Variants in ACYP2 observed in about 807,000 individuals in gnomAD.
ACYP2 encodes the protein acylphosphatase 2, also known as acylphosphatase-2.
In ACYP2, 12 loss-of-function variants were observed where a neutral mutation model predicts 11.2. That is an observed-to-expected ratio of 1.08 (90% CI 0.69 to 1.74). ACYP2 has a LOEUF of 1.74. ACYP2 is among the 40% of genes most tolerant of loss of function. The pLI is 0.00. For missense variants in ACYP2, 134 were observed against 101.9 expected (o/e 1.31, Z -1.35); for synonymous variants, 43 against 32.2 (o/e 1.33, Z -1.13).
chr2:54,203,458 C>A (rs1366625591), intron 6 of ACYP2, among the ~76,000 whole-genome samples: 3 of 152,046 alleles, frequency 2.0e-5, no homozygotes, highest in Non-Finnish European at 2.9e-5. Context: ...ACTTTTATTT[C>A]TTTTTCTTGC....
chr2:54,148,313 A>G (rs1286493233), intron 6 of ACYP2, among the ~76,000 whole-genome samples: 1 of 135,874 alleles, frequency 7.4e-6, no homozygotes, highest in African/African-American at 3.1e-5. Flanking sequence ...TAGGTAGTCA[A>G]TGAACAATCT....
chr2:54,243,299 T>G (rs1686809882), intron 6 of ACYP2, among the ~76,000 whole-genome samples: 1 of 152,136 alleles, frequency 6.6e-6, no homozygotes, highest in Admixed American at 6.5e-5. Context: ...ACACCTAGGA[T>G]GTGTGGTATA....
chr2:54,281,233 G>T (rs1688837639), intron 6 of ACYP2, among the ~76,000 whole-genome samples: 1 of 152,176 alleles, frequency 6.6e-6, no homozygotes, highest in Admixed American at 6.5e-5. Flanking sequence ...TGTCATTGCA[G>T]CTCAGAAGTC....
intron 6 of ACYP2, among the ~76,000 whole-genome samples, chr2:54,192,421 C>T (rs1684276253): frequency 6.6e-6 from 1 of 151,808 alleles, no homozygotes; most frequent in Non-Finnish European, 1.5e-5. Flanking sequence ...TGTTGTCAAC[C>T]TTATGGTGCT....
chr2:54,280,263 C>A (rs965555476), intron 6 of ACYP2, among the ~76,000 whole-genome samples: 1 of 152,142 alleles, frequency 6.6e-6, no homozygotes, highest in Non-Finnish European at 1.5e-5. Context: ...AAGAGGACAT[C>A]ATGGTTGATT....
chr2:54,264,243 G>A (rs1050483404), intron 6 of ACYP2, among the ~76,000 whole-genome samples: 12 of 152,094 alleles, frequency 7.9e-5, no homozygotes, highest in South Asian at 2.1e-4. Context: ...AAGGTAGTGC[G>A]GACCCAAAGA....
At chr2:53,993,923 C>T (rs905695257) in intron 2 of ACYP2, among the ~76,000 whole-genome samples, 12 of 151,082 alleles carry the variant, frequency 7.9e-5, no homozygotes, top group South Asian at 2.1e-4. Context: ...CGGTGGTTCA[C>T]GCCTGTAATC....
rs1372504952 is a variant in ACYP2, at chr2:54,003,237, T to G, written c.62+29427T>G. ...TGATGGGATTACAGGTGTGAGCCAGTGCGCCCAGCCGAGCTCGCTTATTTA... is the reference window on the plus strand; with the variant it reads ...TGATGGGATTACAGGTGTGAGCCAGGGCGCCCAGCCGAGCTCGCTTATTTA... On this transcript the variant is annotated intron_variant, in intron 2 of 6. Transcript: ENST00000607452. Among the ~76,000 whole-genome samples the G allele has an allele frequency of 8.5e-5, 13 of 152,198 alleles. No homozygotes were observed. In the East Asian group the frequency reaches 2.5e-3, roughly 30 times the overall value.
intron 6 of ACYP2, chr2:54,255,191 C>T: frequency 6.2e-7 from 1 of 1,614,204 alleles, no homozygotes. Flanking sequence ...AAAGACACCA[C>T]TTGGCCGAAG....
intron 6 of ACYP2, among the ~76,000 whole-genome samples, chr2:54,197,243 C>T (rs1684527964): frequency 6.6e-6 from 1 of 152,058 alleles, no homozygotes; most frequent in Non-Finnish European, 1.5e-5. Context: ...TTGAGAGCTA[C>T]CTCAGGGGTC....
intron 6 of ACYP2, among the ~76,000 whole-genome samples, chr2:54,167,505 A>G (rs1019103687): frequency 1.3e-5 from 2 of 152,194 alleles, no homozygotes; most frequent in African/African-American, 4.8e-5. Context: ...GTATTTTTCT[A>G]TATTTGTATC....
chr2:54,068,566 G>A (rs1241220418), intron 4 of ACYP2, among the ~76,000 whole-genome samples: 1 of 152,186 alleles, frequency 6.6e-6, no homozygotes, highest in Non-Finnish European at 1.5e-5. Context: ...AAAGAGAACT[G>A]CTTGGGCTCT....
At chr2:54,103,231 T>C (rs958335440) in intron 4 of ACYP2, among the ~76,000 whole-genome samples, 2 of 152,132 alleles carry the variant, frequency 1.3e-5, no homozygotes, top group South Asian at 2.1e-4. Flanking sequence ...CTATCAAAAG[T>C]TGGGGAGAAG....
intron 4 of ACYP2, among the ~76,000 whole-genome samples, chr2:54,067,533 T>G (rs1289435726): frequency 6.6e-6 from 1 of 152,230 alleles, no homozygotes; most frequent in Non-Finnish European, 1.5e-5. Flanking sequence ...GGAGAATATA[T>G]TTAGAGACAG....
chr2:54,303,053 C>A (rs955458886), intron 6 of ACYP2, among the ~76,000 whole-genome samples: 4 of 152,116 alleles, frequency 2.6e-5, no homozygotes, highest in Non-Finnish European at 4.4e-5. Context: ...TAGCATAGTG[C>A]CGAACAAATT....
rs115226191 is a variant in ACYP2 at position 54,186,949 on chromosome 2, T to C, written c.404+48201T>C. The stretch of plus-strand genomic sequence containing the variant: ...AAAATTATGTAACCAAGTAATCTTT[T>C]TGAGTTACTGCACCATGGAAGGAAG... On this transcript the variant is annotated intron_variant, in intron 6 of 6. Transcript: ENST00000607452. Among the ~76,000 whole-genome samples, 1,213 of 152,318 alleles carry C rather than the reference T, an allele frequency of 8.0e-3. 13 individuals are homozygous for C. The highest frequency in any genetic ancestry group is 0.028 in the African/African-American group (1,150 of 41,574).
chr2:54,284,612 AG>A (rs1415654690), intron 6 of ACYP2, among the ~76,000 whole-genome samples: 2 of 151,990 alleles, frequency 1.3e-5, no homozygotes, highest in Non-Finnish European at 2.9e-5. Context: ...TCATTCCCAT[AG>A]GCACACAAAT....
intron 2 of ACYP2, among the ~76,000 whole-genome samples, chr2:53,990,577 A>G (rs1219124874): frequency 6.3e-5 from 9 of 143,112 alleles, no homozygotes; most frequent in African/African-American, 2.3e-4. Flanking sequence ...TGAACCCGGG[A>G]GGTGCAGTTT....
intron 2 of ACYP2, among the ~76,000 whole-genome samples, chr2:54,004,377 GT>G (rs1233762717): frequency 6.8e-6 from 1 of 148,040 alleles, no homozygotes; most frequent in African/African-American, 2.5e-5. Flanking sequence ...ATCTTCTTTG[GT>G]GAGGTGTCTG....
Sources: gnomAD v4.1 joint callset for allele counts (sites outside exome capture counted in the v4.1 genomes callset) on GRCh38, gnomAD v4.1.1 for gene constraint, MANE v1.5 for transcripts, NCBI Gene and HGNC (gene_info 2026-07-23, HGNC 2026-07-21) for gene names.